Variants in BMP6 observed in about 807,000 individuals in gnomAD.
The protein encoded by BMP6 is VG-1-R.
Under a neutral mutation model 54.1 loss-of-function variants are expected in BMP6, and 17 were observed. The observed-to-expected ratio is 0.31, with a 90% CI of 0.22 to 0.47. The LOEUF (loss-of-function observed/expected upper bound fraction) is 0.47, where lower values mean the gene tolerates loss of function less well. Among genes scored for constraint, BMP6 ranks in the 20% least tolerant of loss-of-function variants. The pLI, the probability that BMP6 is intolerant of heterozygous loss-of-function variation, is 1.00. For synonymous variants in BMP6, 328 were observed against 291.2 expected (o/e 1.13, Z -1.28); for missense variants, 720 against 690.4 (o/e 1.04, Z -0.48).
chr6:7,812,885 C>G (rs1758455308), intron 1 of BMP6, among the ~76,000 whole-genome samples: 1 of 150,818 alleles, frequency 6.6e-6, no homozygotes, highest in South Asian at 2.1e-4. Flanking sequence ...GGATCTCCCC[C>G]AGGTCTGGGC....
chr6:7,741,857 T>C (rs961657790), intron 1 of BMP6, among the ~76,000 whole-genome samples: 2 of 152,262 alleles, frequency 1.3e-5, no homozygotes, highest in Admixed American at 1.3e-4. Flanking sequence ...ATTTGGTGAA[T>C]CACCTTCAAC....
intron 1 of BMP6, among the ~76,000 whole-genome samples, chr6:7,738,469 C>A (rs932301071): frequency 5.9e-5 from 9 of 152,152 alleles, no homozygotes; most frequent in Non-Finnish European, 1.3e-4. Context: ...AACGTGGCTT[C>A]CTGCAGTTGC....
At chr6:7,772,042 A>C (rs1465530713) in intron 1 of BMP6, among the ~76,000 whole-genome samples, 1 of 138,432 alleles carries the variant, frequency 7.2e-6, no homozygotes, top group African/African-American at 2.6e-5. Context: ...CGACAGAGCA[A>C]GCCTGCCTCA....
chr6:7,739,646 G>A (rs1762012903), intron 1 of BMP6, among the ~76,000 whole-genome samples: 1 of 136,558 alleles, frequency 7.3e-6, no homozygotes, highest in African/African-American at 2.6e-5. Flanking sequence ...ATAGCACCCA[G>A]TCATGTAATA....
intron 1 of BMP6, among the ~76,000 whole-genome samples, chr6:7,775,001 C>T (rs761450387): frequency 6.6e-6 from 1 of 152,118 alleles, no homozygotes; most frequent in African/African-American, 2.4e-5. Flanking sequence ...GGGGGCTGAA[C>T]TTACTCTTTT....
chr6:7,738,011 T>A (rs770622742), intron 1 of BMP6, among the ~76,000 whole-genome samples: 1 of 152,180 alleles, frequency 6.6e-6, no homozygotes, highest in Non-Finnish European at 1.5e-5. Context: ...TCAAGCCACT[T>A]AACCAAATTT....
chr6:7,799,740 TAAA>T (rs34023411), intron 1 of BMP6, among the ~76,000 whole-genome samples: 3 of 145,702 alleles, frequency 2.1e-5, no homozygotes, highest in African/African-American at 2.5e-5. Context: ...ACACTGATTA[TAAA>T]AAAAAAAAAA....
chr6:7,806,015 A>G (rs1321893584), intron 1 of BMP6, among the ~76,000 whole-genome samples: 2 of 152,248 alleles, frequency 1.3e-5, no homozygotes, highest in African/African-American at 2.4e-5. Context: ...TCTTTCACAC[A>G]TAAAGATTGC....
At chr6:7,813,639 T>G (rs1419437041) in intron 1 of BMP6, among the ~76,000 whole-genome samples, 1 of 46,382 alleles carries the variant, frequency 2.2e-5, no homozygotes, top group Non-Finnish European at 3.4e-5. Flanking sequence ...TGTGACCCTG[T>G]CTCAAAAAAA....
intron 2 of BMP6, among the ~76,000 whole-genome samples, chr6:7,858,021 G>A (rs1040459074): frequency 1.3e-5 from 2 of 152,062 alleles, no homozygotes; most frequent in East Asian, 1.9e-4. Context: ...CAGCCACCTC[G>A]GGCGCCTTCC....
chr6:7,774,424 CCTGTAAT>C (rs1022558629), intron 1 of BMP6, among the ~76,000 whole-genome samples: 26 of 152,226 alleles, frequency 1.7e-4, no homozygotes, highest in Non-Finnish European at 3.4e-4. Flanking sequence ...GTGCTGGGCA[CCTGTAAT>C]CCCAGCTACT....
At chr6:7,765,876 C>A (rs1757679044) in intron 1 of BMP6, among the ~76,000 whole-genome samples, 1 of 152,266 alleles carries the variant, frequency 6.6e-6, no homozygotes, top group Non-Finnish European at 1.5e-5. Flanking sequence ...CTTGTGATAC[C>A]CTCCTTCAAG....
chr6:7,754,596 T>G (rs1249793626), intron 1 of BMP6, among the ~76,000 whole-genome samples: 1 of 152,264 alleles, frequency 6.6e-6, no homozygotes, highest in Non-Finnish European at 1.5e-5. Context: ...TGAACTTGAT[T>G]ATTCTCTTTG....
chr6:7,778,029 A>G (rs926463739), intron 1 of BMP6, among the ~76,000 whole-genome samples: 104 of 152,220 alleles, frequency 6.8e-4, no homozygotes, highest in Non-Finnish European at 1.0e-3. Context: ...AAGTCTGGTT[A>G]CATACTCCCA....
intron 1 of BMP6, among the ~76,000 whole-genome samples, chr6:7,752,475 A>T (rs1757440890): frequency 6.6e-6 from 1 of 152,188 alleles, no homozygotes; most frequent in Non-Finnish European, 1.5e-5. Context: ...CAAAGTTTTT[A>T]AAGTCCTAGT....
chr6:7,835,057 G>C (rs1758851371), intron 1 of BMP6, among the ~76,000 whole-genome samples: 1 of 152,170 alleles, frequency 6.6e-6, no homozygotes, highest in African/African-American at 2.4e-5. Flanking sequence ...CAAATGCAGT[G>C]TACCAGAAGA....
intron 1 of BMP6, among the ~76,000 whole-genome samples, chr6:7,746,793 C>T (rs1050770250): frequency 2.0e-5 from 3 of 152,186 alleles, no homozygotes; most frequent in African/African-American, 7.2e-5. Context: ...ACGGTATTCG[C>T]GTCTTTGAAG....
At chr6:7,864,771 A>G (rs547731324) in intron 4 of BMP6, among the ~76,000 whole-genome samples, 4 of 152,316 alleles carry the variant, frequency 2.6e-5, no homozygotes, top group African/African-American at 7.2e-5. Context: ...GTGTTCCTGT[A>G]TTCACCACTA....
At chr6:7,861,077 C>G (rs1478917775) in intron 2 of BMP6, among the ~76,000 whole-genome samples, 4 of 149,268 alleles carry the variant, frequency 2.7e-5, no homozygotes, top group Non-Finnish European at 5.9e-5. Context: ...AGAGTGAGAC[C>G]CAGTCTCAAA....
Sources: gnomAD v4.1 joint callset for allele counts (sites outside exome capture counted in the v4.1 genomes callset) on GRCh38, gnomAD v4.1.1 for gene constraint, MANE v1.5 for transcripts, NCBI Gene and HGNC (gene_info 2026-07-23, HGNC 2026-07-21) for gene names.